Variants in PCDHA7 observed in about 807,000 individuals in gnomAD.
PCDHA7 encodes the protein protocadherin alpha-7.
In PCDHA7, 37 loss-of-function variants were observed where a neutral mutation model predicts 57.2. The ratio of observed to expected loss-of-function variants is 0.65; its 90% CI spans 0.50 to 0.85. The LOEUF (loss-of-function observed/expected upper bound fraction) is 0.85. PCDHA7 is among the 40% of genes least tolerant of loss of function. The pLI is 0.00. For synonymous variants in PCDHA7, 553 were observed against 558.8 expected (o/e 0.99, Z 0.15); for missense variants, 1,188 against 1,241.8 (o/e 0.96, Z 0.65).
intron 3 of PCDHA7, among the ~76,000 whole-genome samples, chr5:140,988,219 G>C (rs976112285): frequency 1.3e-5 from 2 of 152,132 alleles, no homozygotes; most frequent in African/African-American, 2.4e-5. Flanking sequence ...AAAAAAATGA[G>C]ATCAGGGATC....
chr5:140,891,399 C>T (rs979878059), intron 1 of PCDHA7, among the ~76,000 whole-genome samples: 12 of 151,644 alleles, frequency 7.9e-5, no homozygotes, highest in African/African-American at 2.4e-4. Context: ...TTTTATCCCT[C>T]GCCACCCCCC....
intron 1 of PCDHA7, chr5:140,842,490 T>G: frequency 6.2e-7 from 1 of 1,613,916 alleles, no homozygotes; most frequent in Non-Finnish European, 8.5e-7. Context: ...TGCTCCCTGA[T>G]GCCCCATGTC....
At chr5:141,000,413 ATATATATATTT>A (rs1563651437) in intron 3 of PCDHA7, among the ~76,000 whole-genome samples, 3 of 93,258 alleles carry the variant, frequency 3.2e-5, no homozygotes, top group African/African-American at 1.4e-4. Flanking sequence ...ATATATATAT[ATATATATATTT>A]TTTTTTTTTT....
At position 140,870,679 on chromosome 5, in the gene PCDHA7, G is replaced by C. The variant is rs202117527; in HGVS notation, c.2355+33941G>C. ...CGCGCTGCAGCCGTTGGACCACGAG[G>C]AGCTGGAGCTGCTACAGTTCCAGGT... On this transcript the variant is annotated intron_variant, in intron 1 of 3. Coordinates refer to ENST00000525929, the MANE Select transcript of PCDHA7 (RefSeq NM_018910.3). 1.0e-4 allele frequency: 164 copies of C among 1,612,742 alleles called. No individual in the cohort carries two copies. The African/African-American group carries it at 1.9e-3, about 19-fold the overall frequency.
chr5:140,853,934 C>T (rs2042914376), intron 1 of PCDHA7: 1 of 864,500 alleles, frequency 1.2e-6, no homozygotes, highest in South Asian at 5.2e-5. Context: ...TTTGGGAGGC[C>T]AAGGTGGGAG....
intron 1 of PCDHA7, among the ~76,000 whole-genome samples, chr5:140,846,022 C>T (rs1294786212): frequency 1.3e-5 from 2 of 149,390 alleles, no homozygotes; most frequent in South Asian, 4.2e-4. Context: ...AAAGTTATTA[C>T]GAGTTTAGGA....
chr5:140,979,144 T>C, intron 2 of PCDHA7, 137 bp downstream of exon 2: 1 of 1,448,584 alleles, frequency 6.9e-7, no homozygotes. Flanking sequence ...GCAATTATTT[T>C]GTCCCCATGT....
chr5:140,860,129 G>GTGTGTATATA (rs1168748861), intron 1 of PCDHA7: 1 of 150,592 alleles, frequency 6.6e-6, no homozygotes, highest in Non-Finnish European at 1.5e-5. Flanking sequence ...TACTGTGTGT[G>GTGTGTATATA]TGTGTATATA....
At position 140,899,258 on chromosome 5, in the gene PCDHA7, T is replaced by C. The variant is rs1293804815; in HGVS notation, c.2355+62520T>C. On this transcript the variant is annotated intron_variant, in intron 1 of 3. Transcript: ENST00000525929. Reference sequence around the variant, plus strand: ...TAGGAGTGGTGAGAGAGGGCATCCCTGTCTTGTGGCAGTTTTCAAAGGGAA... The same window carrying C: ...TAGGAGTGGTGAGAGAGGGCATCCCCGTCTTGTGGCAGTTTTCAAAGGGAA... Among the ~76,000 whole-genome samples the C allele has an allele frequency of 3.7e-4, 56 of 152,282 alleles. No individual in the cohort carries two copies. In the South Asian group the frequency reaches 0.012, roughly 32 times the overall value.
chr5:140,857,788 G>GCTGC, intron 1 of PCDHA7: 1 of 1,597,732 alleles, frequency 6.3e-7, no homozygotes, highest in South Asian at 1.1e-5. Flanking sequence ...GTGAGCTGGT[G>GCTGC]CTGCGGTCGG....
intron 3 of PCDHA7, among the ~76,000 whole-genome samples, chr5:141,005,530 C>T (rs920110529): frequency 1.3e-5 from 2 of 151,002 alleles, no homozygotes; most frequent in Non-Finnish European, 3.0e-5. Context: ...GGTGAAACCC[C>T]GTCTCTACTA....
At chr5:140,848,863 T>G (rs1581167323) in intron 1 of PCDHA7, 1 of 1,589,778 alleles carries the variant, frequency 6.3e-7, no homozygotes, top group African/African-American at 1.4e-5. Context: ...GACGTGGAGG[T>G]GAAGGACATT....
At position 140,994,426 on chromosome 5, in the gene PCDHA7, G is replaced by A. The variant is rs994056098; in HGVS notation, c.2503+11863G>A. Among the ~76,000 whole-genome samples the A allele has an allele frequency of 3.9e-5, 6 of 152,110 alleles. No homozygotes were observed. In the East Asian group the frequency reaches 1.2e-3, roughly 29 times the overall value. ...CATTTAATACTGGATATTGAGGCCG[G>A]GCGCAGTGGCTCACACCTGTGATCC... On this transcript the variant is annotated intron_variant, in intron 3 of 3. Coordinates refer to ENST00000525929, the MANE Select transcript of PCDHA7 (RefSeq NM_018910.3).
chr5:140,944,255 A>G (rs1266795910), intron 1 of PCDHA7, among the ~76,000 whole-genome samples: 5 of 152,098 alleles, frequency 3.3e-5, no homozygotes, highest in African/African-American at 1.2e-4. Context: ...TGATGTGATC[A>G]CTGCTCACTG....
intron 1 of PCDHA7, chr5:140,854,468 A>G (rs1581342472): frequency 6.7e-6 from 1 of 150,046 alleles, no homozygotes; most frequent in African/African-American, 2.4e-5. Flanking sequence ...CCAGAGGAGT[A>G]GAGAAGTATA....
At chr5:140,869,800 T>C (rs782065808) in intron 1 of PCDHA7, 2 of 1,612,808 alleles carry the variant, frequency 1.2e-6, no homozygotes, top group Non-Finnish European at 1.7e-6. Context: ...AGTCCAAGTC[T>C]TGGATGTCAA....
At chr5:140,842,977 G>T (rs2150349031) in intron 1 of PCDHA7, 2 of 1,595,034 alleles carry the variant, frequency 1.3e-6, no homozygotes, top group Middle Eastern at 1.7e-4. Context: ...TGACGCTGCA[G>T]GTGTTCGTGC....
At chr5:140,845,517 A>G (rs1554140912) in intron 1 of PCDHA7, among the ~76,000 whole-genome samples, 1 of 149,602 alleles carries the variant, frequency 6.7e-6, no homozygotes, top group Non-Finnish European at 1.5e-5. Context: ...TTTCTTGTAC[A>G]TTAATACTTT....
chr5:140,843,320 G>GGAC, intron 1 of PCDHA7: 1 of 1,596,056 alleles, frequency 6.3e-7, no homozygotes, highest in Non-Finnish European at 8.6e-7. Context: ...CACGGTTCTG[G>GGAC]TGTCGCTGGT....
Sources: allele counts gnomAD v4.1 joint callset (sites outside exome capture counted in the v4.1 genomes callset), GRCh38; gene constraint gnomAD v4.1.1; transcripts MANE v1.5; gene names NCBI Gene and HGNC (gene_info 2026-07-23, HGNC 2026-07-21).